The following ENOX1 variants were observed in gnomAD, a reference collection of about 807,000 sequenced individuals.
The protein encoded by ENOX1 is candidate growth-related and time keeping constitutive hydroquinone (NADH) oxidase.
In ENOX1, 42 loss-of-function variants were observed where a neutral mutation model predicts 82.5. The ratio of observed to expected loss-of-function variants is 0.51; its 90% CI spans 0.40 to 0.66. The LOEUF (loss-of-function observed/expected upper bound fraction) is 0.66, where lower values mean the gene tolerates loss of function less well. ENOX1 is among the 30% of genes least tolerant of loss of function. The pLI, the probability that ENOX1 is intolerant of heterozygous loss-of-function variation, is 0.00. For missense variants in ENOX1, 608 were observed against 811.6 expected (o/e 0.75, Z 3.05); for synonymous variants, 271 against 282.2 (o/e 0.96, Z 0.40).
chr13:43,447,558 G>T, intron 3 of ENOX1, among the ~76,000 whole-genome samples: 1 of 151,882 alleles, frequency 6.6e-6, no homozygotes, highest in Admixed American at 6.6e-5. Flanking sequence ...TGGACCTTTG[G>T]GTTTTATCCA....
intron 3 of ENOX1, among the ~76,000 whole-genome samples, chr13:43,470,366 GTA>G (rs1427781888): frequency 2.8e-4 from 2 of 7,192 alleles, no homozygotes; most frequent in Non-Finnish European, 4.4e-4. Context: ...ATATATATAC[GTA>G]TATATATACA....
At chr13:43,516,676 A>C (rs2077573432) in intron 2 of ENOX1, among the ~76,000 whole-genome samples, 1 of 152,118 alleles carries the variant, frequency 6.6e-6, no homozygotes, top group African/African-American at 2.4e-5. Flanking sequence ...GGAAAACTCT[A>C]GTTGGTATTT....
intron 1 of ENOX1, among the ~76,000 whole-genome samples, chr13:43,783,876 T>C (rs1952420325): frequency 6.6e-6 from 1 of 152,184 alleles, no homozygotes; most frequent in East Asian, 1.9e-4. Flanking sequence ...CAGCTTCACC[T>C]TACTCAAATG....
At chr13:43,706,020 C>T (rs1035350914) in intron 1 of ENOX1, among the ~76,000 whole-genome samples, 4 of 151,824 alleles carry the variant, frequency 2.6e-5, no homozygotes, top group African/African-American at 9.7e-5. Context: ...CTAGAAATTA[C>T]CAGGCCTCTC....
intron 2 of ENOX1, chr13:43,544,274 C>T (rs1416825626): frequency 6.6e-6 from 1 of 152,138 alleles, no homozygotes; most frequent in African/African-American, 2.4e-5. Flanking sequence ...CTCTGAGTGC[C>T]AGTTTCTTGG....
chr13:43,429,166 A>G (rs1274284105), intron 3 of ENOX1, among the ~76,000 whole-genome samples: 2 of 152,154 alleles, frequency 1.3e-5, no homozygotes, highest in African/African-American at 4.8e-5. Flanking sequence ...TTTCCACTTG[A>G]TGCTTTCAAG....
intron 1 of ENOX1, among the ~76,000 whole-genome samples, chr13:43,676,232 A>G (rs546397362): frequency 1.5e-4 from 23 of 152,284 alleles, no homozygotes; most frequent in African/African-American, 5.5e-4. Flanking sequence ...AAAGACAAAA[A>G]CACTAGAACC....
At chr13:43,619,812 T>A (rs765827347) in intron 2 of ENOX1, among the ~76,000 whole-genome samples, 12 of 152,120 alleles carry the variant, frequency 7.9e-5, no homozygotes, top group East Asian at 1.9e-4. Context: ...TGTGAAATAG[T>A]GTCAAAAGGA....
At chr13:43,646,432 G>A (rs966903598) in intron 2 of ENOX1, among the ~76,000 whole-genome samples, 2 of 152,174 alleles carry the variant, frequency 1.3e-5, no homozygotes, top group Admixed American at 1.3e-4. Context: ...TTGTGCTCAC[G>A]CAGTTAGGGC....
chr13:43,622,471 T>C (rs1226696675), intron 2 of ENOX1, among the ~76,000 whole-genome samples: 2 of 152,204 alleles, frequency 1.3e-5, no homozygotes, highest in African/African-American at 4.8e-5. Flanking sequence ...CCTTTTCCTA[T>C]GGATGTGGCT....
chr13:43,424,216 C>A (rs1038739775), intron 3 of ENOX1, among the ~76,000 whole-genome samples: 2 of 152,198 alleles, frequency 1.3e-5, no homozygotes, highest in East Asian at 3.8e-4. Flanking sequence ...TTATTGTCTT[C>A]TTACATAAAG....
At chr13:43,434,936 GGTTTTT>G (rs1332860106) in intron 3 of ENOX1, among the ~76,000 whole-genome samples, 13 of 67,846 alleles carry the variant, frequency 1.9e-4, no homozygotes, top group African/African-American at 5.4e-4. Context: ...GTGTGTGTGT[GGTTTTT>G]TTTTTTTTTT....
intron 1 of ENOX1, among the ~76,000 whole-genome samples, chr13:43,682,174 A>G (rs947525179): frequency 5.9e-5 from 9 of 152,180 alleles, no homozygotes; most frequent in Non-Finnish European, 1.3e-4. Flanking sequence ...TTTAAAACAA[A>G]CAAAGCCTCC....
chr13:43,217,351 C>G (rs896948478), intron 16 of ENOX1, among the ~76,000 whole-genome samples: 7 of 152,208 alleles, frequency 4.6e-5, no homozygotes, highest in African/African-American at 1.4e-4. Context: ...CGGGCACCCC[C>G]ACATTAACCA....
intron 1 of ENOX1, among the ~76,000 whole-genome samples, chr13:43,705,145 A>G (rs2087170235): frequency 6.6e-6 from 1 of 151,920 alleles, no homozygotes; most frequent in Non-Finnish European, 1.5e-5. Context: ...AAAATAGAGG[A>G]GACAAATGGA....
rs767329228 is a variant in ENOX1, at chr13:43,250,629, C to A, written c.1612-13891G>T. On this transcript the variant is annotated intron_variant, in intron 14 of 16. Transcript: ENST00000690772. The stretch of plus-strand genomic sequence containing the variant: ...TGGATTAAATGAAGTATCTGTACAC[C>A]TCAGTTCAGTATAATTTGATTGAAT... Among the ~76,000 whole-genome samples the A allele has an allele frequency of 1.7e-4, 26 of 152,220 alleles. 1 individual carries two copies. The highest frequency in any genetic ancestry group is 3.7e-4 in the Non-Finnish European group (25 of 68,006).
chr13:43,770,583 A>G (rs1350062675), intron 1 of ENOX1, among the ~76,000 whole-genome samples: 1 of 152,150 alleles, frequency 6.6e-6, no homozygotes, highest in Non-Finnish European at 1.5e-5. Flanking sequence ...AGAGAGGCCC[A>G]TTACATGTTA....
At chr13:43,540,848 C>G (rs1030131312) in intron 2 of ENOX1, among the ~76,000 whole-genome samples, 5 of 152,100 alleles carry the variant, frequency 3.3e-5, no homozygotes, top group African/African-American at 4.8e-5. Flanking sequence ...AAAGGTGGTG[C>G]CTTTAACTTG....
chr13:43,261,320 T>G lies in ENOX1; in HGVS notation c.1611+4078A>C, dbSNP rs118022935. ...CCTTCAGGACGACTAATAGATACTATAAGGGTGCAGCAGCTGCACCAACAT... is the reference window on the plus strand; with the variant it reads ...CCTTCAGGACGACTAATAGATACTAGAAGGGTGCAGCAGCTGCACCAACAT... On this transcript the variant is annotated intron_variant, in intron 14 of 16. Transcript: ENST00000690772. 4.7e-3 allele frequency among the ~76,000 whole-genome samples: 715 copies of G among 152,278 alleles called. 14 individuals are homozygous for G. The East Asian group carries it at 0.057, about 12-fold the overall frequency.
Sources: allele counts gnomAD v4.1 joint callset (sites outside exome capture counted in the v4.1 genomes callset), GRCh38; gene constraint gnomAD v4.1.1; transcripts MANE v1.5; gene names NCBI Gene and HGNC (gene_info 2026-07-23, HGNC 2026-07-21).